Variants in NTM observed in about 807,000 individuals in gnomAD.
The protein encoded by NTM is neurotrimin.
Under a neutral mutation model 42.1 loss-of-function variants are expected in NTM, and 13 were observed. The observed-to-expected ratio is 0.31, with a 90% CI of 0.20 to 0.49. The LOEUF is 0.49. NTM is among the 20% of genes least tolerant of loss of function. NTM has a pLI of 0.99. For synonymous variants in NTM, 187 were observed against 179.2 expected (o/e 1.04, Z -0.35); for missense variants, 373 against 452.8 (o/e 0.82, Z 1.60).
chr11:131,914,124 G>T (rs1164682749), intron 2 of NTM, among the ~76,000 whole-genome samples: 2 of 152,224 alleles, frequency 1.3e-5, no homozygotes, highest in Non-Finnish European at 2.9e-5. Context: ...GTACAGAGAG[G>T]CAAGTAGGAA....
chr11:131,730,325 T>A (rs993930426), intron 1 of NTM, among the ~76,000 whole-genome samples: 1 of 152,138 alleles, frequency 6.6e-6, no homozygotes, highest in Non-Finnish European at 1.5e-5. Flanking sequence ...CATAAAGACA[T>A]GGACACATAT....
At position 131,870,552 on chromosome 11, in the gene NTM, C is replaced by T. The variant is rs562891424; in HGVS notation, c.83-41012C>T. ...TCCAGGCTGTGAGCCAGCGAGGGCC[C>T]TCCTCTTTAAGCAGTGCCCCTTTGT... is the stretch of plus-strand genomic sequence containing the variant. On this transcript the variant is annotated intron_variant, in intron 1 of 8. Coordinates refer to ENST00000683400, the MANE Select transcript of NTM (RefSeq NM_001352005.2). 1.5e-3 allele frequency among the ~76,000 whole-genome samples: 228 copies of T among 152,230 alleles called. 2 individuals carry two copies. The highest frequency in any genetic ancestry group is 5.2e-3 in the African/African-American group (217 of 41,536).
intron 2 of NTM, among the ~76,000 whole-genome samples, chr11:132,073,570 G>A (rs116898878): frequency 0.014 from 2,064 of 152,258 alleles, 25 homozygotes; most frequent in Non-Finnish European, 0.021. Context: ...CATAGAAAGA[G>A]GTTCAGAGTG....
intron 1 of NTM, among the ~76,000 whole-genome samples, chr11:131,738,400 TACCTTTGTGCCCAGC>T (rs1471523232): frequency 1.3e-5 from 2 of 152,230 alleles, no homozygotes; most frequent in Non-Finnish European, 2.9e-5. Flanking sequence ...CATTTCCCAT[TACCTTTGTGCCCAGC>T]AGAAATCTGT....
intron 1 of NTM, among the ~76,000 whole-genome samples, chr11:131,436,899 CT>C (rs1381563511): frequency 6.6e-6 from 1 of 152,130 alleles, no homozygotes; most frequent in Non-Finnish European, 1.5e-5. Flanking sequence ...TAGATCTTTC[CT>C]GCTTTCTCTT....
At chr11:131,874,353 A>G (rs965769025) in intron 1 of NTM, among the ~76,000 whole-genome samples, 32 of 152,094 alleles carry the variant, frequency 2.1e-4, no homozygotes, top group African/African-American at 7.7e-4. Context: ...TTGAAGAGGA[A>G]TTGTGTTCAT....
intron 1 of NTM, among the ~76,000 whole-genome samples, chr11:131,644,261 T>G (rs1303342120): frequency 6.6e-6 from 1 of 152,160 alleles, no homozygotes; most frequent in African/African-American, 2.4e-5. Flanking sequence ...AGACTGAGTA[T>G]CTATTTACCT....
chr11:131,925,967 G>C (rs1047971960), intron 2 of NTM, among the ~76,000 whole-genome samples: 5 of 152,144 alleles, frequency 3.3e-5, no homozygotes, highest in African/African-American at 9.7e-5. Flanking sequence ...TATCCTTGGA[G>C]AATAGATGCA....
intron 2 of NTM, among the ~76,000 whole-genome samples, chr11:132,069,645 C>A (rs2057144938): frequency 6.6e-6 from 1 of 150,624 alleles, no homozygotes; most frequent in East Asian, 2.0e-4. Context: ...GTTAACAGGT[C>A]ACCCAGCCAA....
At chr11:131,384,181 C>A (rs535530700) in intron 1 of NTM, among the ~76,000 whole-genome samples, 2 of 152,004 alleles carry the variant, frequency 1.3e-5, no homozygotes, top group Non-Finnish European at 2.9e-5. Context: ...AGACAGTCTT[C>A]AACACAGATA....
intron 1 of NTM, among the ~76,000 whole-genome samples, chr11:131,462,874 A>ACC (rs1951532373): frequency 6.6e-6 from 1 of 152,100 alleles, no homozygotes; most frequent in African/African-American, 2.4e-5. Context: ...GTGGTCCACC[A>ACC]TGGCTTGTGC....
rs1054647104 is a variant in NTM, at chr11:132,091,614, G to A, written c.168-54668G>A. The stretch of plus-strand genomic sequence containing the variant: ...TCCCACCTCAGCCTCCCGAGTAGCT[G>A]GGGCAACAGACCTACACCACACACC... On this transcript the variant is annotated intron_variant, in intron 2 of 8. Coordinates refer to ENST00000683400, the MANE Select transcript of NTM (RefSeq NM_001352005.2). Among the ~76,000 whole-genome samples the A allele has an allele frequency of 1.8e-4, 28 of 151,630 alleles. No individual in the cohort carries two copies. The Middle Eastern group carries it at 0.02, about 111-fold the overall frequency.
At chr11:132,115,008 G>A (rs1031606407) in intron 2 of NTM, among the ~76,000 whole-genome samples, 1 of 152,196 alleles carries the variant, frequency 6.6e-6, no homozygotes, top group Non-Finnish European at 1.5e-5. Context: ...CGGCAACATG[G>A]ATGAATGGGG....
At chr11:132,036,228 C>T (rs761544913) in intron 2 of NTM, among the ~76,000 whole-genome samples, 11 of 152,128 alleles carry the variant, frequency 7.2e-5, no homozygotes, top group Non-Finnish European at 1.5e-4. Context: ...TGCTGTGATG[C>T]TATTTGTTCT....
intron 1 of NTM, among the ~76,000 whole-genome samples, chr11:131,603,424 T>C (rs944466932): frequency 6.6e-6 from 1 of 152,052 alleles, no homozygotes; most frequent in Non-Finnish European, 1.5e-5. Flanking sequence ...ATGCTAACAC[T>C]GTTGGTCCAT....
At chr11:132,214,622 G>A (rs1186189493) in intron 4 of NTM, among the ~76,000 whole-genome samples, 2 of 152,004 alleles carry the variant, frequency 1.3e-5, no homozygotes, top group Non-Finnish European at 2.9e-5. Flanking sequence ...ATTGTTTGTT[G>A]TCTTCCCCTC....
chr11:131,550,838 T>C (rs2054566650), intron 1 of NTM, among the ~76,000 whole-genome samples: 1 of 152,028 alleles, frequency 6.6e-6, no homozygotes, highest in South Asian at 2.1e-4. Context: ...CCTGTCTATT[T>C]AAAAAAATAC....
intron 2 of NTM, among the ~76,000 whole-genome samples, chr11:132,068,896 C>A (rs777703681): frequency 6.6e-6 from 1 of 152,162 alleles, no homozygotes; most frequent in Non-Finnish European, 1.5e-5. Flanking sequence ...TGGGTGAGAC[C>A]CACCCAGATT....
chr11:132,124,390 A>G (rs947007788), intron 2 of NTM, among the ~76,000 whole-genome samples: 8 of 152,180 alleles, frequency 5.3e-5, no homozygotes, highest in African/African-American at 1.9e-4. Flanking sequence ...GTCCCAGCAC[A>G]GTGCCGCCCT....
Sources: allele counts gnomAD v4.1 joint callset (sites outside exome capture counted in the v4.1 genomes callset), GRCh38; gene constraint gnomAD v4.1.1; transcripts MANE v1.5; gene names NCBI Gene and HGNC (gene_info 2026-07-23, HGNC 2026-07-21).